GLT1D1: variants seen among roughly 807,000 people sequenced by gnomAD.
GLT1D1 encodes glycosyltransferase 1 domain-containing protein 1.
A neutral mutation model predicts 28.7 loss-of-function variants in GLT1D1; 21 were observed. The observed-to-expected ratio is 0.73, with a 90% CI of 0.52 to 1.05. GLT1D1 has a LOEUF of 1.05. GLT1D1 is among the 50% of genes least tolerant of loss of function. The pLI is 0.00. For missense variants in GLT1D1, 343 were observed against 330.6 expected (o/e 1.04, Z -0.29); for synonymous variants, 147 against 124.8 (o/e 1.18, Z -1.19).
At chr12:128,928,450 T>C (rs985077412) in intron 4 of GLT1D1, among the ~76,000 whole-genome samples, 26 of 152,090 alleles carry the variant, frequency 1.7e-4, no homozygotes, top group African/African-American at 5.8e-4. Context: ...CCAGTCCTAA[T>C]AGAAGTCCCA....
chr12:128,946,553 C>T (rs1321398857), intron 5 of GLT1D1, among the ~76,000 whole-genome samples: 1 of 150,720 alleles, frequency 6.6e-6, no homozygotes, highest in Non-Finnish European at 1.5e-5. Context: ...TCACCATGGT[C>T]TCGATCTCCT....
chr12:128,897,109 C>T lies in GLT1D1; in HGVS notation c.324-2127C>T, dbSNP rs1316950232. On this transcript the variant is annotated intron_variant, in intron 3 of 7. Coordinates refer to ENST00000281703, the MANE Select transcript of GLT1D1 (RefSeq NM_144669.3). ...AAAACTGCCAATCTTATATGTGATG[C>T]AATTCTTTCCTATTGTTCCAATTAG... Among the ~76,000 whole-genome samples, 4 of 152,274 alleles carry T rather than the reference C, an allele frequency of 2.6e-5. No homozygotes were observed. The East Asian group carries it at 7.7e-4, about 29-fold the overall frequency.
chr12:128,962,264 G>A (rs553986099), intron 7 of GLT1D1, among the ~76,000 whole-genome samples: 1 of 152,368 alleles, frequency 6.6e-6, no homozygotes, highest in Non-Finnish European at 1.5e-5. Context: ...GCAGTCAACT[G>A]TTCTCCTAGC....
intron 4 of GLT1D1, among the ~76,000 whole-genome samples, chr12:128,935,532 C>G (rs1429603976): frequency 1.4e-5 from 2 of 139,214 alleles, no homozygotes; most frequent in Non-Finnish European, 3.1e-5. Flanking sequence ...CAGAGTGACT[C>G]TGTCTCAAAA....
intron 4 of GLT1D1, 22 bp from the exon 6 acceptor site, chr12:128,914,910 CT>C: frequency 2.6e-6 from 4 of 1,532,646 alleles, no homozygotes; most frequent in Non-Finnish European, 3.5e-6. Flanking sequence ...TGAACTTGCC[CT>C]TTTTTTGTTT....
chr12:128,861,127 A>C (rs1046511261), intron 1 of GLT1D1, among the ~76,000 whole-genome samples: 1 of 152,162 alleles, frequency 6.6e-6, no homozygotes, highest in African/African-American at 2.4e-5. Flanking sequence ...AAACACTGAA[A>C]TCATCTTCTA....
In GLT1D1 at chr12:128,897,679, C is replaced by T. The variant is rs376701914; in HGVS notation, c.324-1557C>T. The stretch of plus-strand genomic sequence containing the variant: ...ATGCTATGTCAAATTCTTTTTTTTT[C>T]TTTTTTTGAGACAGAGTCTCGCTCT... On this transcript the variant is annotated intron_variant, in intron 3 of 7. Coordinates refer to ENST00000281703, the MANE Select transcript of GLT1D1 (RefSeq NM_144669.3). Among the ~76,000 whole-genome samples the T allele has an allele frequency of 5.5e-3, 824 of 150,720 alleles. 4 individuals carry two copies. Among genetic ancestry groups the T allele is most frequent in the African/African-American group, 0.019 (780 of 41,182 alleles).
chr12:128,983,172 C>T lies in GLT1D1; in HGVS notation c.*82C>T, dbSNP rs2135564900. On this transcript the variant is annotated 3_prime_UTR_variant, in exon 8 of 8. Transcript: ENST00000281703. This position sits in a 1 kb window ranked among gnomAD's most constrained non-coding sequence, Gnocchi z 4.7. Reference sequence around the variant, plus strand: ...GAGACAGAGTTCTGGATCACGTGGGCCCAGTGCAGTTCAAATAAAACCAGC... The same window carrying T: ...GAGACAGAGTTCTGGATCACGTGGGTCCAGTGCAGTTCAAATAAAACCAGC... 1 of 1,287,650 alleles carries T rather than the reference C, an allele frequency of 7.8e-7. No homozygotes were observed. The highest frequency in any genetic ancestry group is 1.1e-6 in the Non-Finnish European group (1 of 910,600). The allele number at this position is 1,287,650 out of a possible 1,614,324, so 79.8% of individuals were successfully genotyped here. A position where few individuals can be genotyped will look rare whatever the true frequency, so the allele number is the denominator to read the frequency against.
At chr12:128,855,083 A>T (rs1945287760) in intron 1 of GLT1D1, among the ~76,000 whole-genome samples, 1 of 152,032 alleles carries the variant, frequency 6.6e-6, no homozygotes, top group Non-Finnish European at 1.5e-5. Context: ...TCACATAGGG[A>T]TTAGTGCTAT....
chr12:128,930,067 AGTTT>A (rs1873699989), intron 4 of GLT1D1, among the ~76,000 whole-genome samples: 4 of 152,252 alleles, frequency 2.6e-5, no homozygotes. Flanking sequence ...TAAATGTGGC[AGTTT>A]GTTAACATAC....
intron 4 of GLT1D1, among the ~76,000 whole-genome samples, chr12:128,926,755 A>T (rs1043145735): frequency 6.6e-6 from 1 of 152,166 alleles, no homozygotes; most frequent in Non-Finnish European, 1.5e-5. Context: ...ACACATGCTG[A>T]TTTGTGTGAT....
At chr12:128,958,952 C>T (rs1198940366) in intron 7 of GLT1D1, among the ~76,000 whole-genome samples, 11 of 150,716 alleles carry the variant, frequency 7.3e-5, no homozygotes, top group Non-Finnish European at 1.5e-4. Context: ...ATCCTCCCAC[C>T]TCAGCCTCCT....
At chr12:128,882,885 C>A (rs936920781) in intron 2 of GLT1D1, among the ~76,000 whole-genome samples, 3 of 150,380 alleles carry the variant, frequency 2.0e-5, no homozygotes, top group African/African-American at 7.4e-5. Context: ...AATCAAGCTC[C>A]TCCTCTTTCT....
At chr12:128,979,523 C>T (rs1880114685) in intron 7 of GLT1D1, among the ~76,000 whole-genome samples, 1 of 152,086 alleles carries the variant, frequency 6.6e-6, no homozygotes, top group Non-Finnish European at 1.5e-5. Context: ...GGCTACATCT[C>T]AATAAACCCA....
intron 4 of GLT1D1, 87 bp downstream of exon 4, chr12:128,899,374 A>G: frequency 9.0e-7 from 1 of 1,107,534 alleles, no homozygotes; most frequent in South Asian, 1.2e-5. Flanking sequence ...CTGAGCTGAC[A>G]GTGTTCCCAT....
At chr12:128,934,032 A>T (rs1874233555) in intron 4 of GLT1D1, among the ~76,000 whole-genome samples, 1 of 151,954 alleles carries the variant, frequency 6.6e-6, no homozygotes, top group Non-Finnish European at 1.5e-5. Context: ...ACGGGAGTGC[A>T]CTCTGCTTCA....
intron 2 of GLT1D1, among the ~76,000 whole-genome samples, chr12:128,881,866 A>G (rs1361921612): frequency 1.1e-4 from 16 of 151,618 alleles, no homozygotes; most frequent in Admixed American, 1.3e-4. Flanking sequence ...TTCCTCTGTC[A>G]TTGAATGTTC....
At chr12:128,967,867 G>A (rs150916868) in intron 7 of GLT1D1, among the ~76,000 whole-genome samples, 71 of 152,336 alleles carry the variant, frequency 4.7e-4, no homozygotes, top group Non-Finnish European at 8.8e-4. Context: ...CACACAGTAG[G>A]TCCTCAGCAT....
At chr12:128,934,618 T>C (rs1352362888) in intron 4 of GLT1D1, among the ~76,000 whole-genome samples, 2 of 152,136 alleles carry the variant, frequency 1.3e-5, no homozygotes, top group African/African-American at 2.4e-5. Flanking sequence ...AGCTCAGTCC[T>C]GAGCCTCCAC....
Sources: gnomAD v4.1 joint callset for allele counts (sites outside exome capture counted in the v4.1 genomes callset) on GRCh38, gnomAD v4.1.1 for gene constraint, Gnocchi (gnomAD v3.1) non-coding constraint, MANE v1.5 for transcripts, NCBI Gene and HGNC (gene_info 2026-07-23, HGNC 2026-07-21) for gene names.